KCNG3: variants seen among roughly 807,000 people sequenced by gnomAD.
The protein encoded by KCNG3 is potassium voltage-gated channel modifier subfamily G member 3.
In KCNG3, 15 loss-of-function variants were observed where a neutral mutation model predicts 29.0. That is an observed-to-expected ratio of 0.52 (90% CI 0.35 to 0.80). KCNG3 has a LOEUF of 0.80. Ranked by LOEUF, KCNG3 falls within the 30% of genes least tolerant of loss-of-function variation. The pLI is 0.01. For synonymous variants in KCNG3, 322 were observed against 248.9 expected (o/e 1.29, Z -2.76); for missense variants, 512 against 605.7 (o/e 0.85, Z 1.62).
rs1250232835 is a variant in KCNG3, at chr2:42,493,262, G to A, written c.240C>T (p.His80=). The change falls in exon 1 of 2, where the codon CAC becomes CAT. Residue 80 remains histidine (H), a synonymous_variant. Transcript: ENST00000306078. The part of the protein sequence containing the change: ...FGFILLYVRG[H]GKLRFAPRMC... The stretch of plus-strand genomic sequence containing the variant: ...TCCGCGGCGCGAAGCGCAGCTTGCC[G>A]TGGCCGCGCACGTAGAGCAGGATGA... The A allele has an allele frequency of 6.2e-7, 1 of 1,612,204 alleles. No homozygotes were observed. Among genetic ancestry groups the A allele is most frequent in the South Asian group, 1.1e-5 (1 of 91,048 alleles).
chr2:42,450,965 G>C (rs1054943173), intron 1 of KCNG3, among the ~76,000 whole-genome samples: 1 of 152,120 alleles, frequency 6.6e-6, no homozygotes, highest in South Asian at 2.1e-4. Flanking sequence ...AGCACTTTGG[G>C]AGGCCAAGGC....
chr2:42,406,987 A>C, the KCNG3 span, among the ~76,000 whole-genome samples: 2 of 152,108 alleles, frequency 1.3e-5, no homozygotes, highest in Non-Finnish European at 2.9e-5. Context: ...TTTTAAAAAA[A>C]GAATTATCTA....
intron 1 of KCNG3, among the ~76,000 whole-genome samples, chr2:42,479,229 G>A (rs1673519104): frequency 6.6e-6 from 1 of 152,080 alleles, no homozygotes; most frequent in African/African-American, 2.4e-5. Flanking sequence ...CTTTCTCTAG[G>A]ATAGATACAA....
At chr2:42,474,941 A>G (rs1403168426) in intron 1 of KCNG3, among the ~76,000 whole-genome samples, 1 of 152,200 alleles carries the variant, frequency 6.6e-6, no homozygotes, top group African/African-American at 2.4e-5. Context: ...ACTTCTGCAA[A>G]CTAATCATAA....
chr2:42,399,392 A>G, the KCNG3 span, among the ~76,000 whole-genome samples: 1 of 151,934 alleles, frequency 6.6e-6, no homozygotes, highest in South Asian at 2.1e-4. Context: ...GAAGTTCTCT[A>G]TTGTAGATAC....
the KCNG3 span, among the ~76,000 whole-genome samples, chr2:42,412,346 C>T: frequency 6.6e-6 from 1 of 152,152 alleles, no homozygotes; most frequent in African/African-American, 2.4e-5. Context: ...GCTAATTCCC[C>T]ATCTTCTTTT....
At chr2:42,396,820 TA>T in the KCNG3 span, among the ~76,000 whole-genome samples, 8 of 152,204 alleles carry the variant, frequency 5.3e-5, 1 homozygote, top group Non-Finnish European at 1.0e-4. Context: ...GCACATGCTG[TA>T]ACCACTAAAA....
chr2:42,416,058 G>A, the KCNG3 span, among the ~76,000 whole-genome samples: 2 of 152,026 alleles, frequency 1.3e-5, no homozygotes, highest in Non-Finnish European at 2.9e-5. Flanking sequence ...AGCTGGGTGT[G>A]GTGGCGTGCA....
chr2:42,460,796 G>C (rs1391440216), intron 1 of KCNG3, among the ~76,000 whole-genome samples: 1 of 152,122 alleles, frequency 6.6e-6, no homozygotes, highest in African/African-American at 2.4e-5. Context: ...GGCAAGTGAA[G>C]AAAACAAAAG....
At chr2:42,396,987 G>C in the KCNG3 span, among the ~76,000 whole-genome samples, 1 of 152,118 alleles carries the variant, frequency 6.6e-6, no homozygotes, top group Non-Finnish European at 1.5e-5. Flanking sequence ...GGCTGGGCAC[G>C]GTGGCTCACA....
the KCNG3 span, among the ~76,000 whole-genome samples, chr2:42,429,511 G>A: frequency 6.7e-4 from 102 of 152,286 alleles, no homozygotes; most frequent in African/African-American, 2.4e-3. Context: ...CAATCACTGC[G>A]ACATCTAAGT....
the KCNG3 span, among the ~76,000 whole-genome samples, chr2:42,411,721 G>T: frequency 1.1e-3 from 166 of 152,260 alleles, no homozygotes; most frequent in Admixed American, 2.6e-3. Context: ...GGCATCAAGT[G>T]ATCTGCCTGC....
chr2:42,451,302 G>C (rs1672748047), intron 1 of KCNG3, among the ~76,000 whole-genome samples: 1 of 151,682 alleles, frequency 6.6e-6, no homozygotes, highest in Non-Finnish European at 1.5e-5. Flanking sequence ...TGTGTGCCAG[G>C]GGCAGTGACA....
chr2:42,441,266 T>C (rs1268519170), downstream of KCNG3, among the ~76,000 whole-genome samples: 1 of 152,066 alleles, frequency 6.6e-6, no homozygotes, highest in Non-Finnish European at 1.5e-5. Context: ...TGCACACCTA[T>C]AGTCCTAGCA....
chr2:42,429,174 C>T, the KCNG3 span, among the ~76,000 whole-genome samples: 1 of 152,014 alleles, frequency 6.6e-6, no homozygotes, highest in East Asian at 1.9e-4. Context: ...GAAGCACCCT[C>T]AAGTGCCAAT....
the KCNG3 span, among the ~76,000 whole-genome samples, chr2:42,430,645 G>T: frequency 4.6e-5 from 7 of 151,904 alleles, no homozygotes; most frequent in African/African-American, 1.7e-4. Context: ...CAGCTACCTG[G>T]GAAGCTGAGG....
At chr2:42,404,321 A>T in the KCNG3 span, among the ~76,000 whole-genome samples, 22 of 152,342 alleles carry the variant, frequency 1.4e-4, no homozygotes, top group South Asian at 4.6e-3. Flanking sequence ...CCCTGTTTCA[A>T]TGAAGGGAAC....
chr2:42,401,751 AT>A, the KCNG3 span, among the ~76,000 whole-genome samples: 2 of 152,122 alleles, frequency 1.3e-5, no homozygotes, highest in Non-Finnish European at 2.9e-5. Flanking sequence ...TTTTAAAAAT[AT>A]TTTAAAAGAA....
chr2:42,477,344 T>C (rs1206251927), intron 1 of KCNG3, among the ~76,000 whole-genome samples: 1 of 150,558 alleles, frequency 6.6e-6, no homozygotes, highest in Non-Finnish European at 1.5e-5. Flanking sequence ...TTCAATACTA[T>C]ATATATGTGT....
Sources: gnomAD v4.1 joint callset for allele counts (sites outside exome capture counted in the v4.1 genomes callset) on GRCh38, gnomAD v4.1.1 for gene constraint, MANE v1.5 for transcripts, NCBI Gene and HGNC (gene_info 2026-07-23, HGNC 2026-07-21) for gene names.